Variants in FANCC observed in about 807,000 individuals in gnomAD.
The protein encoded by FANCC is FA complementation group C, also known as Fanconi anemia group C protein.
Under a neutral mutation model 71.3 loss-of-function variants are expected in FANCC, and 55 were observed. The ratio of observed to expected loss-of-function variants is 0.77; its 90% CI spans 0.62 to 0.97. FANCC has a LOEUF of 0.97. FANCC is among the 50% of genes least tolerant of loss of function. FANCC has a pLI of 0.00. For missense variants in FANCC, 678 were observed against 670.9 expected (o/e 1.01, Z -0.12); for synonymous variants, 275 against 244.9 (o/e 1.12, Z -1.15).
intron 1 of FANCC, among the ~76,000 whole-genome samples, chr9:95,304,083 A>G (rs1834925913): frequency 6.6e-6 from 1 of 152,212 alleles, no homozygotes; most frequent in South Asian, 2.1e-4. Flanking sequence ...AATAATTTCC[A>G]ACCTGGAATT....
At chr9:95,142,753 A>G (rs1214110653) in intron 7 of FANCC, among the ~76,000 whole-genome samples, 1 of 152,224 alleles carries the variant, frequency 6.6e-6, no homozygotes, top group Non-Finnish European at 1.5e-5. Flanking sequence ...TTTAACACTC[A>G]GAGCCACCCC....
intron 1 of FANCC, among the ~76,000 whole-genome samples, chr9:95,271,650 C>T (rs1832726115): frequency 6.6e-6 from 1 of 152,054 alleles, no homozygotes. Context: ...CTTCGGGAAA[C>T]TAATATCGCA....
intron 4 of FANCC, among the ~76,000 whole-genome samples, chr9:95,188,911 A>T (rs926411684): frequency 6.6e-6 from 1 of 152,170 alleles, no homozygotes; most frequent in African/African-American, 2.4e-5. Flanking sequence ...ATTTTTAATT[A>T]AAAAATTACA....
At chr9:95,267,400 G>A (rs920351834) in intron 1 of FANCC, among the ~76,000 whole-genome samples, 1 of 152,132 alleles carries the variant, frequency 6.6e-6, no homozygotes, top group Non-Finnish European at 1.5e-5. Context: ...AGCTAGTTCT[G>A]CACCCAGGCT....
intron 3 of FANCC, among the ~76,000 whole-genome samples, chr9:95,245,522 A>C (rs552769815): frequency 1.3e-5 from 2 of 151,652 alleles, no homozygotes; most frequent in South Asian, 4.2e-4. Context: ...CAATACAATA[A>C]ATCAACTGTA....
chr9:95,265,015 T>C (rs1832302980), intron 1 of FANCC, among the ~76,000 whole-genome samples: 1 of 150,506 alleles, frequency 6.6e-6, no homozygotes, highest in African/African-American at 2.5e-5. Flanking sequence ...CAATAAAAGA[T>C]TCTTGTTCCC....
chr9:95,111,088 T>A, intron 13 of FANCC: 1 of 1,516,568 alleles, frequency 6.6e-7, no homozygotes, highest in Non-Finnish European at 8.8e-7. Flanking sequence ...GGGCCCTGGC[T>A]GTGGCCAGGC....
intron 7 of FANCC, 42 bp from the exon 8 acceptor site, chr9:95,135,544 C>T (rs1380828596): frequency 6.3e-7 from 1 of 1,582,994 alleles, no homozygotes; most frequent in African/African-American, 1.4e-5. Context: ...AGAAATGGCT[C>T]ACTGAAAAAA....
chr9:95,235,728 G>A (rs1450285902), intron 4 of FANCC, among the ~76,000 whole-genome samples: 3 of 150,942 alleles, frequency 2.0e-5, no homozygotes, highest in Non-Finnish European at 4.4e-5. Flanking sequence ...CCTGTAATCT[G>A]AGCTACTTGG....
intron 4 of FANCC, among the ~76,000 whole-genome samples, chr9:95,185,145 A>C (rs1389875797): frequency 1.3e-5 from 2 of 152,242 alleles, no homozygotes; most frequent in Non-Finnish European, 2.9e-5. Flanking sequence ...TTGAAAAGGT[A>C]TTTGGAATTT....
At chr9:95,198,480 G>A (rs942325998) in intron 4 of FANCC, among the ~76,000 whole-genome samples, 2 of 152,136 alleles carry the variant, frequency 1.3e-5, no homozygotes, top group East Asian at 3.9e-4. Flanking sequence ...CTCTGAAAAT[G>A]TAATTACCCT....
chr9:95,122,151 C>T (rs1039340191), intron 10 of FANCC, among the ~76,000 whole-genome samples: 1 of 152,118 alleles, frequency 6.6e-6, no homozygotes, highest in Admixed American at 6.5e-5. Context: ...AGCCACCACG[C>T]CTGGCACATA....
At chr9:95,148,671 A>G (rs1564696081) in intron 7 of FANCC, among the ~76,000 whole-genome samples, 1 of 152,214 alleles carries the variant, frequency 6.6e-6, no homozygotes, top group South Asian at 2.1e-4. Context: ...ACATAACTCA[A>G]TGAATGAAGA....
intron 1 of FANCC, chr9:95,293,584 C>T (rs1329778319): frequency 6.2e-7 from 1 of 1,614,000 alleles, no homozygotes; most frequent in Non-Finnish European, 8.5e-7. Flanking sequence ...AACGTGCAGA[C>T]AGATCTGTCT....
intron 4 of FANCC, among the ~76,000 whole-genome samples, chr9:95,185,119 A>G (rs1826632545): frequency 6.6e-6 from 1 of 152,250 alleles, no homozygotes; most frequent in Non-Finnish European, 1.5e-5. Context: ...TATTATAGAA[A>G]TAAGATATAA....
At chr9:95,285,734 T>G (rs1204794725) in intron 1 of FANCC, among the ~76,000 whole-genome samples, 1 of 152,210 alleles carries the variant, frequency 6.6e-6, no homozygotes, top group African/African-American at 2.4e-5. Context: ...ATATGCAGGT[T>G]TCTGGTAATG....
At chr9:95,213,581 G>C (rs1372931283) in intron 4 of FANCC, among the ~76,000 whole-genome samples, 1 of 152,184 alleles carries the variant, frequency 6.6e-6, no homozygotes, top group African/African-American at 2.4e-5. Context: ...ACAAATGATG[G>C]TGGGAAATTC....
chr9:95,237,161 T>C (rs925110020), intron 4 of FANCC, among the ~76,000 whole-genome samples: 1 of 152,252 alleles, frequency 6.6e-6, no homozygotes, highest in Admixed American at 6.5e-5. Flanking sequence ...TGTTATTTAG[T>C]TCAGGCTTGC....
chr9:95,192,842 C>T (rs979215976), intron 4 of FANCC, among the ~76,000 whole-genome samples: 2 of 152,126 alleles, frequency 1.3e-5, no homozygotes, highest in African/African-American at 4.8e-5. Context: ...TTCATTCATC[C>T]AAAGGTTACA....
Sources: gnomAD v4.1 joint callset for allele counts (sites outside exome capture counted in the v4.1 genomes callset) on GRCh38, gnomAD v4.1.1 for gene constraint, MANE v1.5 for transcripts, NCBI Gene and HGNC (gene_info 2026-07-23, HGNC 2026-07-21) for gene names.